RAP1GDS1: variants seen among roughly 807,000 people sequenced by gnomAD.
RAP1GDS1 encodes RAP1, GTP-GDP dissociation stimulator 1.
Under a neutral mutation model 71.1 loss-of-function variants are expected in RAP1GDS1, and 35 were observed. The observed-to-expected ratio is 0.49, with a 90% CI of 0.38 to 0.65. RAP1GDS1 has a LOEUF of 0.65. RAP1GDS1 is among the 30% of genes least tolerant of loss of function. The probability of loss-of-function intolerance (pLI) is 0.00; values close to 1 mark genes in which losing one functional copy is unlikely to be tolerated. For synonymous variants in RAP1GDS1, 229 were observed against 243.1 expected (o/e 0.94, Z 0.54); for missense variants, 663 against 706.1 (o/e 0.94, Z 0.69).
chr4:98,266,282 C>T (rs1027623430), intron 1 of RAP1GDS1, among the ~76,000 whole-genome samples: 2 of 151,966 alleles, frequency 1.3e-5, no homozygotes, highest in African/African-American at 2.4e-5. Context: ...TTTATAATGT[C>T]TGTCATGCAG....
rs537387226 is a variant in RAP1GDS1, at chr4:98,415,156, CAAG to C, written c.764-1580_764-1578del. On this transcript the variant is annotated intron_variant, in intron 7 of 14. Transcript: ENST00000408927. ...TGCACATCCGTTTATAGGCTCTCTGCAAGAAGAAGAATATGGCTCTATTCTGCC... is the reference window on the plus strand; with the variant it reads ...TGCACATCCGTTTATAGGCTCTCTGCAAGAAGAATATGGCTCTATTCTGCC... Among the ~76,000 whole-genome samples, 16 of 152,280 alleles carry C rather than the reference CAAG, an allele frequency of 1.1e-4. No homozygotes were observed. The East Asian group carries it at 2.1e-3, about 20-fold the overall frequency.
At position 98,394,972 on chromosome 4, in the gene RAP1GDS1, T is replaced by C. The variant is rs189214615; in HGVS notation, c.637+2892T>C. On this transcript the variant is annotated intron_variant, in intron 6 of 14. Coordinates refer to ENST00000408927, the MANE Select transcript of RAP1GDS1 (RefSeq NM_001100427.2). ...CACACCTGAAACTAAACAATACTTA[T>C]TATCCTTAACATATTCAGTGTACTC... 9.2e-5 allele frequency among the ~76,000 whole-genome samples: 14 copies of C among 152,254 alleles called. No individual in the cohort carries two copies. The East Asian group carries it at 2.3e-3, about 25-fold the overall frequency.
At chr4:98,401,927 A>C (rs1745472389) in intron 6 of RAP1GDS1, among the ~76,000 whole-genome samples, 1 of 152,198 alleles carries the variant, frequency 6.6e-6, no homozygotes, top group South Asian at 2.1e-4. Flanking sequence ...AAAGAAGAGT[A>C]AGAACATGTA....
chr4:98,278,470 A>G (rs1724556672), intron 1 of RAP1GDS1, among the ~76,000 whole-genome samples: 1 of 152,168 alleles, frequency 6.6e-6, no homozygotes, highest in African/African-American at 2.4e-5. Flanking sequence ...TAATTGTGAA[A>G]ATTTAATCAT....
intron 4 of RAP1GDS1, among the ~76,000 whole-genome samples, chr4:98,368,162 C>T (rs1383583913): frequency 6.6e-6 from 1 of 152,068 alleles, no homozygotes; most frequent in Non-Finnish European, 1.5e-5. Flanking sequence ...CTGATAGTTA[C>T]TGTAAGGGGG....
At chr4:98,409,694 C>A (rs1043077892) in intron 7 of RAP1GDS1, 2 of 435,236 alleles carry the variant, frequency 4.6e-6, no homozygotes, top group Non-Finnish European at 9.2e-6. Flanking sequence ...CCTAGAGAAG[C>A]GCACTTTGTG....
chr4:98,343,442 C>G (rs909474816), intron 3 of RAP1GDS1, 181 bp downstream of exon 3: 3 of 673,126 alleles, frequency 4.5e-6, no homozygotes, highest in African/African-American at 1.8e-5. Flanking sequence ...TCATTCATAC[C>G]TGTCCCATCT....
chr4:98,384,944 T>G (rs1320523556), intron 5 of RAP1GDS1, among the ~76,000 whole-genome samples: 1 of 151,718 alleles, frequency 6.6e-6, no homozygotes, highest in East Asian at 1.9e-4. Flanking sequence ...CCCACTTAGT[T>G]GAGGGCAGTG....
Position 98,442,184 on chromosome 4 carries a change from T to TC in RAP1GDS1, c.*69dup. The TC allele has an allele frequency of 1.3e-6, 2 of 1,576,202 alleles. No individual in the cohort carries two copies. The highest frequency in any genetic ancestry group is 1.7e-6 in the Non-Finnish European group (2 of 1,163,896). On this transcript the variant is annotated 3_prime_UTR_variant, in exon 15 of 15. Coordinates refer to ENST00000408927, the MANE Select transcript of RAP1GDS1 (RefSeq NM_001100427.2). ...CTCTGTCCTCCATCCAGCGGCTTCT[T>TC]CCGCTTCATTCTCTACCATACCACT...
intron 2 of RAP1GDS1, among the ~76,000 whole-genome samples, chr4:98,316,332 G>C (rs993106810): frequency 6.6e-6 from 1 of 152,134 alleles, no homozygotes; most frequent in African/African-American, 2.4e-5. Flanking sequence ...TAAAAGACAT[G>C]GTAGAAGAGA....
chr4:98,297,693 C>T (rs1320558074), intron 2 of RAP1GDS1, among the ~76,000 whole-genome samples: 1 of 152,198 alleles, frequency 6.6e-6, no homozygotes, highest in Non-Finnish European at 1.5e-5. Context: ...CTCTATTCCT[C>T]TCCTCAGGCC....
At chr4:98,436,624 A>G (rs1378386825) in intron 13 of RAP1GDS1, among the ~76,000 whole-genome samples, 1 of 152,250 alleles carries the variant, frequency 6.6e-6, no homozygotes, top group Non-Finnish European at 1.5e-5. Flanking sequence ...TGATAAGTGC[A>G]TAAGGTATAT....
chr4:98,377,363 AT>A (rs2110479573), intron 4 of RAP1GDS1, among the ~76,000 whole-genome samples: 1 of 152,020 alleles, frequency 6.6e-6, no homozygotes, highest in African/African-American at 2.4e-5. Context: ...ATTTACATCT[AT>A]GTTATGGAAA....
intron 2 of RAP1GDS1, among the ~76,000 whole-genome samples, chr4:98,300,601 A>G (rs963167799): frequency 6.6e-6 from 1 of 152,076 alleles, no homozygotes; most frequent in Admixed American, 6.5e-5. Flanking sequence ...GTGTTTCCCC[A>G]TGTTGGCCAG....
chr4:98,328,930 G>A (rs1447475982), intron 2 of RAP1GDS1, among the ~76,000 whole-genome samples: 2 of 152,242 alleles, frequency 1.3e-5, no homozygotes, highest in African/African-American at 2.4e-5. Context: ...AGGCTGCAAA[G>A]CCAAACCAAG....
chr4:98,393,614 C>CAAAG (rs946325795), intron 6 of RAP1GDS1, among the ~76,000 whole-genome samples: 13 of 152,080 alleles, frequency 8.5e-5, no homozygotes, highest in African/African-American at 3.1e-4. Context: ...TTATGAAAAT[C>CAAAG]AAAGAGTGCA....
In RAP1GDS1 at chr4:98,443,809, T is replaced by A. The variant is rs759931461; in HGVS notation, c.*1692T>A. On this transcript the variant is annotated 3_prime_UTR_variant, in exon 15 of 15. Coordinates refer to ENST00000408927, the MANE Select transcript of RAP1GDS1 (RefSeq NM_001100427.2). ...TACAGGCTTTGAAAGACATCTGTAA[T>A]GTTGCATATCTGTTCATATTAATAA... The A allele has an allele frequency of 7.1e-5, 13 of 182,196 alleles. No individual in the cohort carries two copies. Among genetic ancestry groups the A allele is most frequent in the Non-Finnish European group, 1.1e-4 (9 of 85,496 alleles). 11.3% of individuals were successfully genotyped at this position (182,196 alleles called of 1,614,324 possible). A position where few individuals can be genotyped will look rare whatever the true frequency, so the allele number is the denominator to read the frequency against.
At chr4:98,393,275 A>G (rs1744004875) in intron 6 of RAP1GDS1, among the ~76,000 whole-genome samples, 1 of 152,206 alleles carries the variant, frequency 6.6e-6, no homozygotes, top group Non-Finnish European at 1.5e-5. Context: ...AGAAATTATT[A>G]AAGTTATTTT....
chr4:98,412,340 C>G (rs927226452), intron 7 of RAP1GDS1, among the ~76,000 whole-genome samples: 4 of 152,088 alleles, frequency 2.6e-5, no homozygotes, highest in African/African-American at 9.7e-5. Context: ...TAGTGAGACC[C>G]TGTCTCTACA....
Sources: allele counts gnomAD v4.1 joint callset (sites outside exome capture counted in the v4.1 genomes callset), GRCh38; gene constraint gnomAD v4.1.1; transcripts MANE v1.5; gene names NCBI Gene and HGNC (gene_info 2026-07-23, HGNC 2026-07-21).